The following APC variants were observed in gnomAD, a reference collection of about 807,000 sequenced individuals.
The protein encoded by APC is APC regulator of Wnt signaling pathway, also known as adenomatous polyposis coli protein.
In APC, 72 loss-of-function variants were observed where a neutral mutation model predicts 247.0. That is an observed-to-expected ratio of 0.29 (90% confidence interval 0.24 to 0.35). The LOEUF is 0.35. Among genes scored for constraint, APC ranks in the 10% least tolerant of loss-of-function variants. The pLI, the probability that APC is intolerant of heterozygous loss-of-function variation, is 1.00. For synonymous variants in APC, 1,254 were observed against 1,162.5 expected (o/e 1.08, Z -1.60); for missense variants, 3,400 against 3,360.7 (o/e 1.01, Z -0.29).
rs1298044429 is a variant in APC, at chr5:112,755,132, CAAT to C, written c.135+112_135+114del. ...ACTTAAAAGTGTATTTTAAATTAAG[CAAT>C]AATATGTAAACTCTTTCTTGCAAAA... On this transcript the variant is annotated intron_variant, in intron 2 of 15. Transcript: ENST00000257430. 5.4e-6 allele frequency: 8 copies of C among 1,482,824 alleles called. No homozygotes were observed. In the African/African-American group the frequency reaches 1.1e-4, roughly 21 times the overall value. The allele number at this position is 1,482,824 out of a possible 1,614,324, so 91.9% of individuals were successfully genotyped here. A position where few individuals can be genotyped will look rare whatever the true frequency, so the allele number is the denominator to read the frequency against.
chr5:112,747,005 C>A (rs1753759017), intron 1 of APC, among the ~76,000 whole-genome samples: 1 of 152,104 alleles, frequency 6.6e-6, no homozygotes, highest in South Asian at 2.1e-4. Context: ...ATTTGTTTTT[C>A]TTTCTTTCTT....
At chr5:112,827,890 G>T in intron 12 of APC, 39 bp from the exon 13 acceptor site, 1 of 1,556,798 alleles carries the variant, frequency 6.4e-7, no homozygotes, top group Non-Finnish European at 8.9e-7. Flanking sequence ...GCTTCAAGTT[G>T]TCTTTTTAAT....
intron 1 of APC, among the ~76,000 whole-genome samples, chr5:112,712,284 T>C (rs1750899574): frequency 6.6e-6 from 1 of 152,178 alleles, no homozygotes; most frequent in South Asian, 2.1e-4. Context: ...TTTCCTCCTG[T>C]ATATGTCTAT....
At chr5:112,816,377 G>C (rs574370372) in intron 9 of APC, among the ~76,000 whole-genome samples, 2 of 152,334 alleles carry the variant, frequency 1.3e-5, no homozygotes, top group South Asian at 4.1e-4. Flanking sequence ...AATATGTATT[G>C]AGGTGAATGG....
chr5:112,753,938 A>C (rs1031837606), intron 1 of APC, among the ~76,000 whole-genome samples: 1 of 152,230 alleles, frequency 6.6e-6, no homozygotes, highest in South Asian at 2.1e-4. Context: ...AACTAAAAAG[A>C]GAATGTGGAT....
At chr5:112,761,970 G>C (rs1755722290) in intron 2 of APC, among the ~76,000 whole-genome samples, 1 of 152,106 alleles carries the variant, frequency 6.6e-6, no homozygotes, top group African/African-American at 2.4e-5. Flanking sequence ...GAAAATATTT[G>C]CAATACATAT....
intron 1 of APC, among the ~76,000 whole-genome samples, chr5:112,741,171 C>T (rs1209615825): frequency 6.6e-6 from 1 of 152,134 alleles, no homozygotes; most frequent in East Asian, 1.9e-4. Context: ...GTAAACTAAT[C>T]TCTAAGAAAA....
rs367773779 is a variant in APC, at chr5:112,707,847, G to C, written c.130G>C (p.Ala44Pro). The change falls in exon 1 of 14, where the codon GCT becomes CCT. Residue 44 changes from alanine to proline, a missense_variant. Transcript: ENST00000507379. ...GCAGGAGACGAAGAGCCCGGGCGGC[G>C]CTCGTACTTCTGGCCACTGGGCGAG... The C allele has an allele frequency of 7.3e-7, 1 of 1,370,224 alleles. No homozygotes were observed. The highest frequency in any genetic ancestry group is 1.4e-5 in the African/African-American group (1 of 69,732). 84.9% of individuals were successfully genotyped at this position (1,370,224 alleles called of 1,614,324 possible). A position where few individuals can be genotyped will look rare whatever the true frequency, so the allele number is the denominator to read the frequency against.
chr5:112,792,295 T>G, intron 6 of APC, 151 bp from the exon 7 acceptor site: 1 of 506,754 alleles, frequency 2.0e-6, no homozygotes. Context: ...CCCAATTTGT[T>G]ATTAAAGGGT....
Position 112,839,333 on chromosome 5 carries a change from G to C in APC, c.3739G>C (p.Ala1247Pro), listed in dbSNP as rs148223181. 1.2e-6 allele frequency: 2 copies of C among 1,613,154 alleles called. No homozygotes were observed. Among genetic ancestry groups the C allele is most frequent in the Non-Finnish European group, 1.7e-6 (2 of 1,179,566 alleles). Reference sequence around the variant, plus strand: ...TAGAAGTGGTCAGCCTCAAAAGGCTGCCACTTGCAAAGTTTCTTCTATTAA... The same window carrying C: ...TAGAAGTGGTCAGCCTCAAAAGGCTCCCACTTGCAAAGTTTCTTCTATTAA... Reference protein sequence around the residue: ...QSRSGQPQKAATCKVSSINQE... With the variant: ...QSRSGQPQKAPTCKVSSINQE... The change falls in exon 16 of 16, where the codon GCC becomes CCC. Residue 1247 changes from alanine to proline, a missense_variant. Around this residue, in one of 9 missense-constraint regions of APC, gnomAD observed 715 missense variants for 656.6 expected, o/e 1.09. Transcript: ENST00000257430. This position sits in a 1 kb window ranked among gnomAD's most constrained non-coding sequence, Gnocchi z 5.0.
At chr5:112,728,676 A>C (rs1056252968) in intron 1 of APC, among the ~76,000 whole-genome samples, 2 of 152,098 alleles carry the variant, frequency 1.3e-5, no homozygotes, top group Non-Finnish European at 2.9e-5. Context: ...TAGAATTTAT[A>C]AACTTTTTTA....
intron 1 of APC, among the ~76,000 whole-genome samples, chr5:112,751,519 C>T (rs1754365060): frequency 6.6e-6 from 1 of 151,910 alleles, no homozygotes; most frequent in Non-Finnish European, 1.5e-5. Flanking sequence ...CTATCTTTCT[C>T]ATATATGTTT....
Position 112,843,982 on chromosome 5 carries a change from T to C in APC, c.8388T>C (p.Asp2796=). The C allele has an allele frequency of 6.2e-7, 1 of 1,602,586 alleles. No individual in the cohort carries two copies. The highest frequency in any genetic ancestry group is 1.1e-5 in the South Asian group (1 of 89,082). ...CAAGCCCTAGGAAAAGCAGCGCAGA[T>C]AGCACTTCAGCTCGGCCATCTCAGA... ...YNPSPRKSSA[D]STSARPSQIP... The change falls in exon 16 of 16, where the codon GAT becomes GAC. Residue 2796 remains aspartate (D), a synonymous_variant. Transcript: ENST00000257430. This position sits in a 1 kb window ranked among gnomAD's most constrained non-coding sequence, Gnocchi z 4.8.
rs1222179002 is a variant in APC, at chr5:112,799,056, A to G, written c.730-2223A>G. ...GAAACCCTGTCTCTACTAAAAATAC[A>G]AAACATAACCAGCATGGTGGTGGGC... On this transcript the variant is annotated intron_variant, in intron 7 of 15. Transcript: ENST00000257430. Among the ~76,000 whole-genome samples, 3 of 152,084 alleles carry G rather than the reference A, an allele frequency of 2.0e-5. No individual in the cohort carries two copies. In the East Asian group the frequency reaches 5.8e-4, roughly 29 times the overall value.
chr5:112,803,013 A>G (rs574750425), intron 8 of APC, among the ~76,000 whole-genome samples: 3 of 152,286 alleles, frequency 2.0e-5, no homozygotes, highest in South Asian at 2.1e-4. Flanking sequence ...AGAAATTAAA[A>G]TGACTTGTAA....
chr5:112,830,034 AC>A (rs1764145177), intron 14 of APC: 1 of 152,056 alleles, frequency 6.6e-6, no homozygotes, highest in South Asian at 2.1e-4. Context: ...GTCCTCCTAT[AC>A]CCACAGCCTA....
At chr5:112,778,354 A>G (rs944076057) in intron 5 of APC, 2 of 152,178 alleles carry the variant, frequency 1.3e-5, no homozygotes, top group Non-Finnish European at 2.9e-5. Flanking sequence ...TTTCTCAAAT[A>G]CATTTATAGT....
rs116384299 is a variant in APC, at chr5:112,798,150, A to G, written c.730-3129A>G. Among the ~76,000 whole-genome samples, 1,236 of 152,368 alleles carry G rather than the reference A, an allele frequency of 8.1e-3. 26 individuals are homozygous for G. The highest frequency in any genetic ancestry group is 0.028 in the African/African-American group (1,182 of 41,588). ...GTTCATTCACTAGCAGCATTTTTTC[A>G]TAATAGCCTCAAAGGAGAAGCAGTG... On this transcript the variant is annotated intron_variant, in intron 7 of 15. Coordinates refer to ENST00000257430, the MANE Select transcript of APC (RefSeq NM_000038.6).
intron 2 of APC, among the ~76,000 whole-genome samples, chr5:112,759,064 A>G (rs1006211523): frequency 2.0e-5 from 3 of 152,236 alleles, no homozygotes; most frequent in African/African-American, 7.2e-5. Context: ...ACAAAATTTA[A>G]TATTTATAAA....
Sources: gnomAD v4.1 joint callset for allele counts (sites outside exome capture counted in the v4.1 genomes callset) on GRCh38, gnomAD v4.1.1 for gene constraint, gnomAD v4.1.1 regional missense constraint, Gnocchi (gnomAD v3.1) non-coding constraint, MANE v1.5 for transcripts, NCBI Gene and HGNC (gene_info 2026-07-23, HGNC 2026-07-21) for gene names.